NTN4: variants seen among roughly 807,000 people sequenced by gnomAD.
NTN4 encodes netrin 4, also known as netrin-4.
A neutral mutation model predicts 73.6 loss-of-function variants in NTN4; 32 were observed. The ratio of observed to expected loss-of-function variants is 0.44; its 90% confidence interval spans 0.33 to 0.58. The LOEUF (loss-of-function observed/expected upper bound fraction) is 0.58. NTN4 is among the 20% of genes least tolerant of loss of function. The pLI, the probability that NTN4 is intolerant of heterozygous loss-of-function variation, is 0.04. For synonymous variants in NTN4, 258 were observed against 287.5 expected, an observed-to-expected ratio of 0.90 and a Z score of 1.04; for missense variants, 654 against 798.3, an observed-to-expected ratio of 0.82 and a Z score of 2.18.
intron 3 of NTN4, among the ~76,000 whole-genome samples, chr12:95,723,395 A>T (rs1490148979): frequency 1.3e-5 from 2 of 152,104 alleles, no homozygotes; most frequent in Admixed American, 1.3e-4. Context: ...AAGTTGTAGG[A>T]AATGATTAAT....
intron 2 of NTN4, among the ~76,000 whole-genome samples, chr12:95,759,156 T>A (rs2121239755): frequency 6.6e-6 from 1 of 152,268 alleles, no homozygotes; most frequent in East Asian, 1.9e-4. Flanking sequence ...GTGGTAACTT[T>A]GTTTGATGTG....
chr12:95,665,407 C>A (rs2078171791), intron 9 of NTN4, among the ~76,000 whole-genome samples: 1 of 152,130 alleles, frequency 6.6e-6, no homozygotes, highest in South Asian at 2.1e-4. Flanking sequence ...GAAATGAATT[C>A]AATATTATTT....
intron 2 of NTN4, among the ~76,000 whole-genome samples, chr12:95,761,490 C>T (rs891312094): frequency 4.6e-5 from 7 of 151,808 alleles, no homozygotes; most frequent in Non-Finnish European, 1.0e-4. Context: ...GTCACCATGC[C>T]CAGCTAATTT....
At chr12:95,667,618 G>A (rs2078191726) in intron 8 of NTN4, among the ~76,000 whole-genome samples, 2 of 152,054 alleles carry the variant, frequency 1.3e-5, no homozygotes, top group Non-Finnish European at 2.9e-5. Flanking sequence ...ACTTTGGGAG[G>A]CTGAGGTAGG....
chr12:95,744,144 C>A (rs944317722), intron 2 of NTN4, among the ~76,000 whole-genome samples: 1 of 152,044 alleles, frequency 6.6e-6, no homozygotes, highest in African/African-American at 2.4e-5. Context: ...TCAGGTGATC[C>A]ACCTGCCTCA....
intron 5 of NTN4, among the ~76,000 whole-genome samples, chr12:95,705,070 G>C (rs1300608421): frequency 6.6e-6 from 1 of 152,180 alleles, no homozygotes. Context: ...TCAGTAGCCA[G>C]ATGTAGCTGA....
rs561072000 is a variant in NTN4, at chr12:95,762,097, C to T, written c.586-23953G>A. ...GTTGGCAATTAACTTGATGTTAAAACGAATTGAGTTTCTTGTTGAACATGT... is the reference window on the plus strand; with the variant it reads ...GTTGGCAATTAACTTGATGTTAAAATGAATTGAGTTTCTTGTTGAACATGT... On this transcript the variant is annotated intron_variant, in intron 2 of 9. Coordinates refer to ENST00000343702, the MANE Select transcript of NTN4 (RefSeq NM_021229.4). 8.5e-5 allele frequency among the ~76,000 whole-genome samples: 13 copies of T among 152,244 alleles called. No homozygotes were observed. In the South Asian group the frequency reaches 2.7e-3, roughly 32 times the overall value.
intron 4 of NTN4, among the ~76,000 whole-genome samples, chr12:95,712,787 C>CTTTTTTTTTTTTTTTTT (rs35614636): frequency 7.6e-5 from 8 of 105,730 alleles, no homozygotes; most frequent in Non-Finnish European, 1.3e-4. Context: ...TTCTTTCTTT[C>CTTTTTTTTTTTTTTTTT]TTTTTTTTTT....
rs1050459800 is a variant in NTN4 at position 95,789,120 on chromosome 12, A to G, written c.55+1135T>C. On this transcript the variant is annotated intron_variant, in intron 1 of 9. Coordinates refer to ENST00000343702, the MANE Select transcript of NTN4 (RefSeq NM_021229.4). This position sits in a 1 kb window ranked among gnomAD's most constrained non-coding sequence, Gnocchi z 4.0. ...TAAGTCCAGAAAAGATTTGAGCCAGATAAAGAATCCATGGGGCAAAATACT... is the reference window on the plus strand; with the variant it reads ...TAAGTCCAGAAAAGATTTGAGCCAGGTAAAGAATCCATGGGGCAAAATACT... Among the ~76,000 whole-genome samples the G allele has an allele frequency of 1.3e-5, 2 of 152,238 alleles. No homozygotes were observed. The highest frequency in any genetic ancestry group is 2.9e-5 in the Non-Finnish European group (2 of 68,042).
chr12:95,719,587 G>A (rs1254032284), intron 3 of NTN4, among the ~76,000 whole-genome samples: 9 of 152,150 alleles, frequency 5.9e-5, no homozygotes, highest in Middle Eastern at 3.4e-3. Context: ...TCTAATAATG[G>A]GCTAGCCTGT....
At chr12:95,673,680 C>T (rs1468374402) in intron 7 of NTN4, 1 of 152,278 alleles carries the variant, frequency 6.6e-6, no homozygotes, top group African/African-American at 2.4e-5. Flanking sequence ...TAATCCTTCT[C>T]GGATCTCTTG....
chr12:95,732,001 T>A (rs2078740630), intron 3 of NTN4, among the ~76,000 whole-genome samples: 1 of 152,202 alleles, frequency 6.6e-6, no homozygotes, highest in South Asian at 2.1e-4. Flanking sequence ...AAGGGGTAAC[T>A]GTTGTCATCA....
intron 3 of NTN4, among the ~76,000 whole-genome samples, chr12:95,716,061 T>C (rs1592681767): frequency 6.8e-6 from 1 of 146,504 alleles, no homozygotes; most frequent in Non-Finnish European, 1.5e-5. Context: ...AGTTTTGTAA[T>C]TATCTAAATC....
At chr12:95,675,959 C>T (rs932274402) in intron 7 of NTN4, among the ~76,000 whole-genome samples, 6 of 152,214 alleles carry the variant, frequency 3.9e-5, no homozygotes, top group Non-Finnish European at 8.8e-5. Context: ...AAGGGCTCTG[C>T]ATTTCATCCA....
chr12:95,694,862 C>T (rs768201427), intron 5 of NTN4, among the ~76,000 whole-genome samples: 4 of 152,096 alleles, frequency 2.6e-5, no homozygotes, highest in Non-Finnish European at 5.9e-5. Context: ...CATGGTGGCT[C>T]ATGCCTGTAA....
intron 5 of NTN4, 152 bp downstream of exon 5, chr12:95,710,289 G>T: frequency 1.8e-6 from 1 of 564,346 alleles, no homozygotes; most frequent in Non-Finnish European, 3.0e-6. Context: ...GAAAATTCTT[G>T]CCTCTTATCA....
chr12:95,683,456 C>T (rs770510364), intron 6 of NTN4, 42 bp downstream of exon 6: 1 of 1,570,740 alleles, frequency 6.4e-7, no homozygotes, highest in Non-Finnish European at 8.7e-7. Context: ...TCAAAAGAGC[C>T]TGAAATACAT....
At chr12:95,747,163 T>C (rs1194516473) in intron 2 of NTN4, among the ~76,000 whole-genome samples, 1 of 147,832 alleles carries the variant, frequency 6.8e-6, no homozygotes, top group Non-Finnish European at 1.5e-5. Flanking sequence ...ATCAATAAAA[T>C]ATGTTCCTGA....
rs796223368 is a variant in NTN4 at position 95,776,349 on chromosome 12, G to A, written c.585+10590C>T. ...GAGTTGAGAGAAGAAGGCTTCAGAC[G>A]ACCAAACTTCTCCGAGCTAAAGGAG... On this transcript the variant is annotated intron_variant, in intron 2 of 9. Coordinates refer to ENST00000343702, the MANE Select transcript of NTN4 (RefSeq NM_021229.4). Among the ~76,000 whole-genome samples the A allele has an allele frequency of 3.9e-5, 6 of 152,056 alleles. 1 individual carries two copies. The highest frequency in any genetic ancestry group is 2.1e-4 in the South Asian group (1 of 4,826).
Sources: allele counts gnomAD v4.1 joint callset (sites outside exome capture counted in the v4.1 genomes callset), GRCh38; gene constraint gnomAD v4.1.1; non-coding constraint Gnocchi (gnomAD v3.1); transcripts MANE v1.5; gene names NCBI Gene and HGNC (gene_info 2026-07-23, HGNC 2026-07-21).